The following SHISA6 variants were observed in gnomAD, a reference collection of about 807,000 sequenced individuals.
SHISA6 encodes the protein protein shisa-6.
Under a neutral mutation model 47.9 loss-of-function variants are expected in SHISA6, and 22 were observed. The ratio of observed to expected loss-of-function variants is 0.46; its 90% CI spans 0.33 to 0.66. The LOEUF is 0.66. Among genes scored for constraint, SHISA6 ranks in the 30% least tolerant of loss-of-function variants. SHISA6 has a pLI of 0.02. For missense variants in SHISA6, 680 were observed against 764.6 expected, an observed-to-expected ratio of 0.89 and a Z score of 1.30; for synonymous variants, 388 against 337.8, an observed-to-expected ratio of 1.15 and a Z score of -1.63.
chr17:11,277,280 T>TCTCTCTCTCACACACACACACACA (rs1386997909), intron 2 of SHISA6, among the ~76,000 whole-genome samples: 18 of 53,894 alleles, frequency 3.3e-4, no homozygotes, highest in Non-Finnish European at 4.4e-4. Flanking sequence ...TCTCTCTCTC[T>TCTCTCTCTCACACACACACACACA]CACACACACA....
At chr17:11,451,655 C>T (rs1915405692) in intron 3 of SHISA6, among the ~76,000 whole-genome samples, 1 of 152,170 alleles carries the variant, frequency 6.6e-6, no homozygotes, top group African/African-American at 2.4e-5. Context: ...AACACGAATG[C>T]ACATTTCCCA....
rs1907317619 is a variant in SHISA6 at position 11,241,411 on chromosome 17, C to T, written c.-12C>T. On this transcript the variant is annotated 5_prime_UTR_variant, in exon 1 of 6. Coordinates refer to ENST00000441885, the MANE Select transcript of SHISA6 (RefSeq NM_207386.4). The surrounding 1 kb of genome is among the most constrained non-coding windows in gnomAD (Gnocchi z 5.5). ...GCGGAAGCCTCCCCGCGCCCTCCCG[C>T]CCGGCCCCGCCATGGCGCTGCGGCG... is the stretch of plus-strand genomic sequence containing the variant. The T allele has an allele frequency of 8.8e-7, 1 of 1,133,134 alleles. No individual in the cohort carries two copies. The highest frequency in any genetic ancestry group is 7.2e-5 in the East Asian group (1 of 13,838). 70.2% of individuals were successfully genotyped at this position (1,133,134 alleles called of 1,614,324 possible). A position where few individuals can be genotyped will look rare whatever the true frequency, so the allele number is the denominator to read the frequency against.
intron 2 of SHISA6, among the ~76,000 whole-genome samples, chr17:11,287,845 C>T (rs770469930): frequency 3.3e-4 from 50 of 152,152 alleles, no homozygotes; most frequent in Middle Eastern, 6.8e-3. Flanking sequence ...CATAAAAGAA[C>T]ATAAAAAATA....
At position 11,562,671 on chromosome 17, in the gene SHISA6, C is replaced by G. The variant is rs889682819; in HGVS notation, c.*4367C>G. The G allele has an allele frequency of 2.0e-5, 3 of 152,318 alleles. No individual in the cohort carries two copies. Among genetic ancestry groups the G allele is most frequent in the Non-Finnish European group, 4.4e-5 (3 of 68,166 alleles). The allele number at this position is 152,318 out of a possible 1,614,324, so 9.4% of individuals were successfully genotyped here. A position where few individuals can be genotyped will look rare whatever the true frequency, so the allele number is the denominator to read the frequency against. ...GAGTCATGTTCCCCACTCAGTGCCT[C>G]AGTTTCCCCATCTGTAAAATGAGGG... On this transcript the variant is annotated 3_prime_UTR_variant, in exon 6 of 6. Transcript: ENST00000441885.
At chr17:11,520,262 T>C (rs1436814638) in intron 3 of SHISA6, among the ~76,000 whole-genome samples, 2 of 152,146 alleles carry the variant, frequency 1.3e-5, no homozygotes, top group African/African-American at 4.8e-5. Flanking sequence ...CACCACCAAC[T>C]GTGCGCCCAA....
Position 11,532,131 on chromosome 17 carries a change from CAGG to C in SHISA6, c.896-19762_896-19760del, listed in dbSNP as rs371832872. 5.3e-5 allele frequency among the ~76,000 whole-genome samples: 8 copies of C among 152,196 alleles called. No homozygotes were observed. In the East Asian group the frequency reaches 5.8e-4, roughly 11 times the overall value. ...TCATAGGGTGGAGAGAAAATTGAAG[CAGG>C]AGAAGTTTGGAGTGACACATGTTGT... On this transcript the variant is annotated intron_variant, in intron 3 of 5. Transcript: ENST00000441885.
At chr17:11,416,795 TG>T in intron 3 of SHISA6, among the ~76,000 whole-genome samples, 1 of 152,248 alleles carries the variant, frequency 6.6e-6, no homozygotes, top group African/African-American at 2.4e-5. Context: ...AAAACTGAAT[TG>T]GGGGAGAAAG....
At chr17:11,345,686 C>T (rs1911681335) in intron 2 of SHISA6, among the ~76,000 whole-genome samples, 2 of 151,914 alleles carry the variant, frequency 1.3e-5, no homozygotes, top group Non-Finnish European at 2.9e-5. Context: ...GATCTTACAC[C>T]TCTTTAAATT....
At chr17:11,311,575 TG>T (rs927945734) in intron 2 of SHISA6, among the ~76,000 whole-genome samples, 2 of 152,138 alleles carry the variant, frequency 1.3e-5, no homozygotes, top group Non-Finnish European at 2.9e-5. Flanking sequence ...ACCTCTTTTG[TG>T]GGGGAACAAA....
intron 2 of SHISA6, among the ~76,000 whole-genome samples, chr17:11,357,456 T>C (rs567218516): frequency 1.3e-5 from 2 of 152,318 alleles, no homozygotes; most frequent in East Asian, 3.9e-4. Context: ...TGACTCATAT[T>C]ACATCCCAAA....
intron 2 of SHISA6, among the ~76,000 whole-genome samples, chr17:11,367,485 A>T (rs541619423): frequency 6.6e-6 from 1 of 152,306 alleles, no homozygotes; most frequent in East Asian, 1.9e-4. Context: ...AACTATAAAA[A>T]ACATTTGGGA....
At chr17:11,261,181 G>T (rs562218007) in intron 1 of SHISA6, among the ~76,000 whole-genome samples, 83 of 152,284 alleles carry the variant, frequency 5.5e-4, no homozygotes, top group African/African-American at 1.9e-3. Context: ...AGGCCACGTG[G>T]TCTGGGAATG....
chr17:11,474,432 A>G (rs2321892), intron 3 of SHISA6, among the ~76,000 whole-genome samples: 94,989 of 140,854 alleles, frequency 0.67, 31,505 homozygotes, highest in African/African-American at 0.83. Flanking sequence ...TTGTAAATTT[A>G]TTTAAGTTCC....
At chr17:11,282,728 A>G (rs765480247) in intron 2 of SHISA6, among the ~76,000 whole-genome samples, 1 of 152,214 alleles carries the variant, frequency 6.6e-6, no homozygotes, top group Non-Finnish European at 1.5e-5. Flanking sequence ...TCCATCTGCT[A>G]TCACACTGCA....
chr17:11,288,491 C>A (rs1909403122), intron 2 of SHISA6: 2 of 151,998 alleles, frequency 1.3e-5, no homozygotes, highest in South Asian at 4.2e-4. Context: ...AAGATTAATT[C>A]TTGTAGTCTG....
intron 3 of SHISA6, among the ~76,000 whole-genome samples, chr17:11,538,879 C>T (rs896130682): frequency 6.6e-6 from 1 of 152,130 alleles, no homozygotes; most frequent in Non-Finnish European, 1.5e-5. Flanking sequence ...GATCAGGCCC[C>T]AGACATGAGA....
intron 2 of SHISA6, 50 bp downstream of exon 2, chr17:11,263,576 T>C (rs893574470): frequency 6.5e-7 from 1 of 1,544,388 alleles, no homozygotes; most frequent in African/African-American, 1.4e-5. Context: ...GGTGAGAGGT[T>C]TCAGGATGTT....
intron 3 of SHISA6, among the ~76,000 whole-genome samples, chr17:11,540,184 G>C (rs1462763256): frequency 1.3e-5 from 2 of 152,152 alleles, no homozygotes; most frequent in African/African-American, 2.4e-5. Context: ...ATGAACCTAT[G>C]CTGGAAATTT....
chr17:11,440,525 T>A (rs1197219846), intron 3 of SHISA6, among the ~76,000 whole-genome samples: 6 of 151,178 alleles, frequency 4.0e-5, no homozygotes, highest in Admixed American at 3.9e-4. Flanking sequence ...TGGATCCAAA[T>A]AGCCTTAGGG....
Sources: allele counts gnomAD v4.1 joint callset (sites outside exome capture counted in the v4.1 genomes callset), GRCh38; gene constraint gnomAD v4.1.1; non-coding constraint Gnocchi (gnomAD v3.1); transcripts MANE v1.5; gene names NCBI Gene and HGNC (gene_info 2026-07-23, HGNC 2026-07-21).